CNBD1: variants seen among roughly 807,000 people sequenced by gnomAD.
The protein encoded by CNBD1 is cyclic nucleotide-binding domain-containing protein 1.
CNBD1 carries 71 observed loss-of-function variants against 54.4 expected under a neutral mutation model. That is an observed-to-expected ratio of 1.30 (90% CI 1.08 to 1.59). CNBD1 has a LOEUF of 1.59. Ranked by LOEUF, CNBD1 falls within the 40% of genes most tolerant of loss-of-function variation. CNBD1 has a pLI of 0.00. For missense variants in CNBD1, 659 were observed against 518.0 expected (o/e 1.27, Z -2.64); for synonymous variants, 182 against 170.7 (o/e 1.07, Z -0.51).
intron 8 of CNBD1, among the ~76,000 whole-genome samples, chr8:87,303,090 C>G (rs1471048121): frequency 6.6e-6 from 1 of 151,878 alleles, no homozygotes; most frequent in Non-Finnish European, 1.5e-5. Flanking sequence ...CAATGCTATC[C>G]CCATCAAGCT....
At chr8:86,945,107 A>G (rs1034893033) in intron 4 of CNBD1, among the ~76,000 whole-genome samples, 1 of 152,166 alleles carries the variant, frequency 6.6e-6, no homozygotes, top group Non-Finnish European at 1.5e-5. Context: ...ATAAAATACT[A>G]TGGTAAAAAT....
chr8:87,191,760 ACT>A (rs1487473950), intron 4 of CNBD1, among the ~76,000 whole-genome samples: 2 of 152,162 alleles, frequency 1.3e-5, no homozygotes, highest in African/African-American at 4.8e-5. Context: ...CCGACTGCCC[ACT>A]GTGTGGACCC....
At chr8:86,922,891 C>G (rs1221963716) in intron 3 of CNBD1, among the ~76,000 whole-genome samples, 1 of 151,708 alleles carries the variant, frequency 6.6e-6, no homozygotes, top group Admixed American at 6.6e-5. Flanking sequence ...GCAAGAGGAG[C>G]CAGGAAATGA....
chr8:87,402,093 G>A (rs1049832318), intron 2 of CNBD1, among the ~76,000 whole-genome samples: 6 of 152,024 alleles, frequency 3.9e-5, no homozygotes, highest in Non-Finnish European at 8.8e-5. Context: ...AGGTGAAGGA[G>A]GAATGAAGGC....
chr8:86,872,356 A>T (rs1808454238), intron 1 of CNBD1, among the ~76,000 whole-genome samples: 1 of 152,192 alleles, frequency 6.6e-6, no homozygotes, highest in South Asian at 2.1e-4. Context: ...TGAAGAAATT[A>T]TATATACTAT....
intron 4 of CNBD1, among the ~76,000 whole-genome samples, chr8:87,018,704 C>A (rs1353116308): frequency 6.6e-6 from 1 of 152,132 alleles, no homozygotes; most frequent in Non-Finnish European, 1.5e-5. Context: ...CATTTGGCAT[C>A]CTACTGGGCC....
At position 86,954,863 on chromosome 8, in the gene CNBD1, T is replaced by C. The variant is rs993976683; in HGVS notation, c.431+15109T>C. ...TTTTCTTTAATTATACTTTAAGTTA[T>C]AGGGTACATGTGCACAACGTGCAGG... On this transcript the variant is annotated intron_variant, in intron 4 of 10. Coordinates refer to ENST00000518476, the MANE Select transcript of CNBD1 (RefSeq NM_173538.3). Among the ~76,000 whole-genome samples, 15 of 152,352 alleles carry C rather than the reference T, an allele frequency of 9.8e-5. No homozygotes were observed. In the East Asian group the frequency reaches 2.5e-3, roughly 25 times the overall value.
chr8:87,194,142 G>A (rs529526839), intron 4 of CNBD1, among the ~76,000 whole-genome samples: 12 of 152,238 alleles, frequency 7.9e-5, no homozygotes, highest in South Asian at 2.1e-4. Flanking sequence ...TGATTAATGC[G>A]CTTGAATCAT....
At chr8:87,213,521 G>T (rs901404618) in intron 5 of CNBD1, among the ~76,000 whole-genome samples, 2 of 152,094 alleles carry the variant, frequency 1.3e-5, no homozygotes, top group African/African-American at 2.4e-5. Flanking sequence ...GGAGAAACCC[G>T]TTATGAAACC....
rs147952018 is a variant in CNBD1, at chr8:87,150,108, C to T, written c.432-55885C>T. On this transcript the variant is annotated intron_variant, in intron 4 of 10. Coordinates refer to ENST00000518476, the MANE Select transcript of CNBD1 (RefSeq NM_173538.3). Reference sequence around the variant, plus strand: ...AGGAGAATGGCGTGAACCCGGGAGGCGGAGCTTGCAGTGAGCCGAGATGGC... The same window carrying T: ...AGGAGAATGGCGTGAACCCGGGAGGTGGAGCTTGCAGTGAGCCGAGATGGC... 7.5e-3 allele frequency among the ~76,000 whole-genome samples: 1,140 copies of T among 152,082 alleles called. 30 individuals carry two copies. The highest frequency in any genetic ancestry group is 0.046 in the Admixed American group (701 of 15,270).
At chr8:87,147,976 G>A (rs758524942) in intron 4 of CNBD1, among the ~76,000 whole-genome samples, 6 of 151,948 alleles carry the variant, frequency 3.9e-5, no homozygotes, top group Non-Finnish European at 5.9e-5. Flanking sequence ...AAAAGGGTCC[G>A]TTTAAAATTT....
intron 8 of CNBD1, among the ~76,000 whole-genome samples, chr8:87,339,616 T>C (rs1003952143): frequency 6.6e-6 from 1 of 152,134 alleles, no homozygotes; most frequent in Non-Finnish European, 1.5e-5. Context: ...TAAATCTCAT[T>C]TTGTTAATTT....
At chr8:87,376,844 C>G (rs1392527913) in intron 10 of CNBD1, among the ~76,000 whole-genome samples, 1 of 151,668 alleles carries the variant, frequency 6.6e-6, no homozygotes, top group East Asian at 2.0e-4. Flanking sequence ...CTGTCCAAAT[C>G]CCATCTCTTA....
chr8:87,409,679 C>G (rs935471443), intron 2 of CNBD1, among the ~76,000 whole-genome samples: 1 of 152,108 alleles, frequency 6.6e-6, no homozygotes, highest in African/African-American at 2.4e-5. Context: ...CAAGTTGAAG[C>G]TAATCCTCAT....
At chr8:86,868,672 C>T (rs1808398373) in intron 1 of CNBD1, among the ~76,000 whole-genome samples, 1 of 152,058 alleles carries the variant, frequency 6.6e-6, no homozygotes, top group South Asian at 2.1e-4. Flanking sequence ...TGAGTGCTTT[C>T]TGTAGTTAGT....
At chr8:86,917,269 G>A (rs1050228572) in intron 3 of CNBD1, among the ~76,000 whole-genome samples, 5 of 152,162 alleles carry the variant, frequency 3.3e-5, no homozygotes, top group Non-Finnish European at 5.9e-5. Flanking sequence ...TGCCAGATCT[G>A]TGTCCACTGA....
chr8:87,221,431 T>G (rs925779176), intron 5 of CNBD1, among the ~76,000 whole-genome samples: 9 of 152,152 alleles, frequency 5.9e-5, no homozygotes, highest in Admixed American at 5.2e-4. Context: ...CATCAAGTAC[T>G]CCATGTTACC....
chr8:87,336,162 T>A (rs1215004926), intron 8 of CNBD1, among the ~76,000 whole-genome samples: 1 of 152,100 alleles, frequency 6.6e-6, no homozygotes, highest in Non-Finnish European at 1.5e-5. Context: ...GAGAATCTGA[T>A]GATTATGTGT....
chr8:87,287,303 A>G (rs2130872084), intron 8 of CNBD1, among the ~76,000 whole-genome samples: 1 of 152,252 alleles, frequency 6.6e-6, no homozygotes, highest in South Asian at 2.1e-4. Context: ...GGGTTGCTAA[A>G]CCAAGAGGAA....
Sources: gnomAD v4.1 joint callset for allele counts (sites outside exome capture counted in the v4.1 genomes callset) on GRCh38, gnomAD v4.1.1 for gene constraint, MANE v1.5 for transcripts, NCBI Gene and HGNC (gene_info 2026-07-23, HGNC 2026-07-21) for gene names.